FCHO2: variants seen among roughly 807,000 people sequenced by gnomAD.
FCHO2 encodes F-BAR domain only protein 2.
FCHO2 carries 43 observed loss-of-function variants against 114.1 expected under a neutral mutation model. The ratio of observed to expected loss-of-function variants is 0.38; its 90% CI spans 0.30 to 0.49. The LOEUF is 0.49. Ranked by LOEUF, FCHO2 falls within the 20% of genes least tolerant of loss-of-function variation. FCHO2 has a pLI of 0.97. For missense variants in FCHO2, 807 were observed against 950.4 expected, an observed-to-expected ratio of 0.85 and a Z score of 1.98; for synonymous variants, 293 against 315.2, an observed-to-expected ratio of 0.93 and a Z score of 0.75.
intron 2 of FCHO2, among the ~76,000 whole-genome samples, chr5:72,971,894 G>A (rs1192918342): frequency 2.0e-5 from 3 of 151,942 alleles, no homozygotes; most frequent in Non-Finnish European, 2.9e-5. Context: ...GTAAGGAAGG[G>A]ATCCAGTTTC....
Position 73,079,141 on chromosome 5 carries a change from T to A in FCHO2, c.1980+829T>A, listed in dbSNP as rs182333127. Among the ~76,000 whole-genome samples, 317 of 152,246 alleles carry A rather than the reference T, an allele frequency of 2.1e-3. 1 individual carries two copies. Among genetic ancestry groups the A allele is most frequent in the Non-Finnish European group, 3.5e-3 (240 of 68,016 alleles). On this transcript the variant is annotated intron_variant, in intron 22 of 25. Transcript: ENST00000430046. The stretch of plus-strand genomic sequence containing the variant: ...AAGAGATGGAGTCCCATTCTCTTGC[T>A]CAGAATGGAGTAGAGTAGCATGATC...
intron 18 of FCHO2, among the ~76,000 whole-genome samples, chr5:73,066,508 C>G (rs988676325): frequency 6.7e-6 from 1 of 150,012 alleles, no homozygotes; most frequent in African/African-American, 2.5e-5. Context: ...ATGATTATTT[C>G]TGTATCACCC....
chr5:72,964,405 A>G (rs1294829388), intron 1 of FCHO2, among the ~76,000 whole-genome samples: 2 of 152,154 alleles, frequency 1.3e-5, no homozygotes, highest in Non-Finnish European at 2.9e-5. Flanking sequence ...ATTTATTTAG[A>G]GACTGAGTTT....
chr5:72,997,389 A>C lies in FCHO2; in HGVS notation c.495+6525A>C, dbSNP rs940994766. 3 of 1,597,044 alleles carry C rather than the reference A, an allele frequency of 1.9e-6. No homozygotes were observed. The African/African-American group carries it at 4.0e-5, about 21-fold the overall frequency. ...CTTAAGACGAGATACTACGGACAGC[A>C]CTGCACTTTGGAGTTGGGCAGCTAC... On this transcript the variant is annotated intron_variant, in intron 5 of 25. Coordinates refer to ENST00000430046, the MANE Select transcript of FCHO2 (RefSeq NM_138782.3).
chr5:73,041,270 T>C (rs1448113713), intron 10 of FCHO2, 21 bp from the exon 11 acceptor site: 1 of 1,449,552 alleles, frequency 6.9e-7, no homozygotes, highest in South Asian at 1.2e-5. Context: ...ATTGAGTATT[T>C]CTGATATTTT....
chr5:72,999,466 T>C (rs556542897), intron 5 of FCHO2, among the ~76,000 whole-genome samples: 44 of 145,462 alleles, frequency 3.0e-4, no homozygotes, highest in African/African-American at 1.0e-3. Context: ...CACTGCAATC[T>C]CTGCCTCCTG....
chr5:73,080,558 A>G (rs1488000697), intron 22 of FCHO2, among the ~76,000 whole-genome samples: 2 of 152,228 alleles, frequency 1.3e-5, no homozygotes, highest in Admixed American at 6.5e-5. Context: ...CTATGTTTGC[A>G]TATGCCTGAA....
intron 24 of FCHO2, among the ~76,000 whole-genome samples, chr5:73,085,019 T>C (rs1366724222): frequency 6.6e-6 from 1 of 152,230 alleles, no homozygotes; most frequent in Non-Finnish European, 1.5e-5. Context: ...AACTATACTA[T>C]TGTAAATAAT....
intron 5 of FCHO2, among the ~76,000 whole-genome samples, chr5:73,002,104 T>G (rs1754475987): frequency 1.3e-5 from 2 of 152,184 alleles, no homozygotes; most frequent in South Asian, 4.1e-4. Flanking sequence ...AATAGTTTTA[T>G]AGCCAGAAGT....
intron 11 of FCHO2, among the ~76,000 whole-genome samples, chr5:73,048,233 T>A (rs942224516): frequency 7.2e-5 from 11 of 152,010 alleles, no homozygotes; most frequent in Non-Finnish European, 1.6e-4. Flanking sequence ...GCAGATCAAC[T>A]GAGGCCAGGA....
At chr5:73,014,503 T>G (rs1358174534) in intron 6 of FCHO2, among the ~76,000 whole-genome samples, 1 of 151,924 alleles carries the variant, frequency 6.6e-6, no homozygotes, top group Non-Finnish European at 1.5e-5. Context: ...TTTGTCAGGC[T>G]GATCTCAAAC....
intron 1 of FCHO2, among the ~76,000 whole-genome samples, chr5:72,962,763 C>T (rs1400891355): frequency 6.6e-6 from 1 of 151,896 alleles, no homozygotes; most frequent in African/African-American, 2.4e-5. Flanking sequence ...CGTGATGGTG[C>T]GAACCTGTAG....
intron 6 of FCHO2, among the ~76,000 whole-genome samples, chr5:73,010,694 T>C (rs1754958209): frequency 6.6e-6 from 1 of 151,608 alleles, no homozygotes. Context: ...CTTGCTAATA[T>C]GTTGAAATCC....
At position 73,017,415 on chromosome 5, in the gene FCHO2, A is replaced by G. The variant is rs1755364081; in HGVS notation, c.796+107A>G. 1.4e-5 allele frequency: 8 copies of G among 566,686 alleles called. No homozygotes were observed. In the East Asian group the frequency reaches 2.8e-4, roughly 20 times the overall value. 35.1% of individuals were successfully genotyped at this position (566,686 alleles called of 1,614,324 possible). On this transcript the variant is annotated intron_variant, in intron 8 of 25. Transcript: ENST00000430046. ...TAAGGGGTAATTTTAACTTTATATCACATATCTGAAGTTAAAAATATTTCC... is the reference window on the plus strand; with the variant it reads ...TAAGGGGTAATTTTAACTTTATATCGCATATCTGAAGTTAAAAATATTTCC...
chr5:73,037,249 G>GT lies in FCHO2; in HGVS notation c.914+39dup, dbSNP rs1437054665. 7 of 1,460,048 alleles carry GT rather than the reference G, an allele frequency of 4.8e-6. No homozygotes were observed. The African/African-American group carries it at 7.2e-5, about 15-fold the overall frequency. The allele number at this position is 1,460,048 out of a possible 1,614,324, so 90.4% of individuals were successfully genotyped here. On this transcript the variant is annotated intron_variant, in intron 10 of 25. Transcript: ENST00000430046. ...TTTAAATATCGTCAAAATCCTTTTT[G>GT]TTTTTATAAGTGATTAAGAATAAGA...
At position 73,088,958 on chromosome 5, in the gene FCHO2, A is replaced by T. The variant is rs779226544; in HGVS notation, c.*868A>T. The T allele has an allele frequency of 6.6e-6, 1 of 152,538 alleles. No homozygotes were observed. The highest frequency in any genetic ancestry group is 1.5e-5 in the Non-Finnish European group (1 of 67,992). The allele number at this position is 152,538 out of a possible 1,614,324, so 9.4% of individuals were successfully genotyped here. On this transcript the variant is annotated 3_prime_UTR_variant, in exon 26 of 26. Coordinates refer to ENST00000430046, the MANE Select transcript of FCHO2 (RefSeq NM_138782.3). ...ATCTTCTGTTCAGAATCTTACAGTG[A>T]TCAAGCATTTTTATAAGATATTTGC...
chr5:72,963,259 C>G (rs893600126), intron 1 of FCHO2, among the ~76,000 whole-genome samples: 1 of 152,032 alleles, frequency 6.6e-6, no homozygotes, highest in African/African-American at 2.4e-5. Context: ...GCCTTAAAAC[C>G]AAGGGGAGTG....
chr5:73,069,841 C>T (rs1580199084), intron 19 of FCHO2, among the ~76,000 whole-genome samples: 1 of 152,220 alleles, frequency 6.6e-6, no homozygotes, highest in East Asian at 1.9e-4. Context: ...CAAATTCTTA[C>T]TACCTTTTTC....
At chr5:73,072,913 A>G (rs1398502386) in intron 19 of FCHO2, among the ~76,000 whole-genome samples, 9 of 152,064 alleles carry the variant, frequency 5.9e-5, no homozygotes, top group African/African-American at 2.2e-4. Flanking sequence ...TACTACAGTT[A>G]CAAAATTGGA....
Sources: allele counts gnomAD v4.1 joint callset (sites outside exome capture counted in the v4.1 genomes callset), GRCh38; gene constraint gnomAD v4.1.1; transcripts MANE v1.5; gene names NCBI Gene and HGNC (gene_info 2026-07-23, HGNC 2026-07-21).